Variants in ZNF33A observed in about 807,000 individuals in gnomAD.
The protein encoded by ZNF33A is zinc finger protein 33A, also known as brain my041 protein.
ZNF33A carries 9 observed loss-of-function variants against 15.9 expected under a neutral mutation model. The observed-to-expected ratio is 0.57, with a 90% CI of 0.34 to 0.99. The LOEUF (loss-of-function observed/expected upper bound fraction) is 0.99, where lower values mean the gene tolerates loss of function less well. ZNF33A is among the 50% of genes least tolerant of loss of function. ZNF33A has a pLI of 0.02. For synonymous variants in ZNF33A, 294 were observed against 324.2 expected, an observed-to-expected ratio of 0.91 and a Z score of 1.00; for missense variants, 843 against 941.6, an observed-to-expected ratio of 0.90 and a Z score of 1.37.
At chr10:38,063,621 TG>T (rs1459889223), downstream of ZNF33A, among the ~76,000 whole-genome samples, 1 of 152,236 alleles carries the variant, frequency 6.6e-6, no homozygotes, top group Non-Finnish European at 1.5e-5. Flanking sequence ...TCTAAGCTTG[TG>T]TTACCAATCA....
At chr10:38,053,893 G>A (rs1199972421) in intron 4 of ZNF33A, among the ~76,000 whole-genome samples, 1 of 152,136 alleles carries the variant, frequency 6.6e-6, no homozygotes, top group African/African-American at 2.4e-5. Context: ...CACAGTCTCT[G>A]GCTGACTCTC....
intron 4 of ZNF33A, chr10:38,043,877 T>G (rs1436989098): frequency 2.0e-5 from 3 of 151,874 alleles, no homozygotes; most frequent in Admixed American, 6.6e-5. Flanking sequence ...TTTTTTTGTT[T>G]AATGCAACAC....
chr10:38,011,870 GGTTAA>G (rs1204032114), intron 1 of ZNF33A, among the ~76,000 whole-genome samples: 1 of 152,148 alleles, frequency 6.6e-6, no homozygotes, highest in Non-Finnish European at 1.5e-5. Flanking sequence ...ACTCACCAGA[GGTTAA>G]GTAACATTAC....
intron 4 of ZNF33A, among the ~76,000 whole-genome samples, chr10:38,040,909 G>T (rs598822): frequency 6.6e-6 from 1 of 152,196 alleles, no homozygotes; most frequent in Non-Finnish European, 1.5e-5. Flanking sequence ...GTTCAACTTA[G>T]TATTTTTTCT....
chr10:38,051,854 G>GA (rs555504395), intron 4 of ZNF33A, among the ~76,000 whole-genome samples: 87 of 151,662 alleles, frequency 5.7e-4, no homozygotes, highest in African/African-American at 1.9e-3. Context: ...GTATTAAAAA[G>GA]AAAAAAACAG....
At chr10:38,049,995 A>G (rs2066127695) in intron 4 of ZNF33A, among the ~76,000 whole-genome samples, 1 of 152,194 alleles carries the variant, frequency 6.6e-6, no homozygotes, top group Non-Finnish European at 1.5e-5. Flanking sequence ...ATAAACAGCT[A>G]CTACTGCTTA....
downstream of ZNF33A, chr10:38,064,352 G>A (rs2066689456): frequency 4.2e-6 from 2 of 477,930 alleles, no homozygotes; most frequent in Admixed American, 7.9e-5. Context: ...TGGCACTGCT[G>A]GGGACTCACC....
At position 38,054,936 on chromosome 10, in the gene ZNF33A, G is replaced by C. The variant is rs1282406182; in HGVS notation, c.812G>C (p.Arg271Thr). 1 of 1,613,860 alleles carries C rather than the reference G, an allele frequency of 6.2e-7. No individual in the cohort carries two copies. Among genetic ancestry groups the C allele is most frequent in the Non-Finnish European group, 8.5e-7 (1 of 1,179,992 alleles). ...TTGTTCCATCAGATATCTCCGTCAA[G>C]GGACAATCACTATGAATTTAGTGAT... is the stretch of plus-strand genomic sequence containing the variant. ...SLLFHQISPS[R>T]DNHYEFSDCE... Residue 271 changes from arginine (R) to threonine (T), a missense_variant, in exon 5 of 5, where the codon AGG (arginine) becomes ACG (threonine). Physicochemically the swap from Arg to Thr is moderately conservative, Grantham distance 71. Coordinates refer to ENST00000432900, the MANE Select transcript of ZNF33A (RefSeq NM_006954.2).
At chr10:38,049,366 C>T (rs79508850) in intron 4 of ZNF33A, among the ~76,000 whole-genome samples, 3,080 of 152,002 alleles carry the variant, frequency 0.02, 54 homozygotes, top group Non-Finnish European at 0.032. Context: ...ACTTTTGGGT[C>T]TAATTTGCTT....
chr10:38,014,366 A>G (rs2064347360), intron 2 of ZNF33A, among the ~76,000 whole-genome samples: 1 of 152,100 alleles, frequency 6.6e-6, no homozygotes, highest in Non-Finnish European at 1.5e-5. Context: ...TTTACAGAAG[A>G]AGTTTACCAA....
At chr10:38,022,362 A>G (rs1320750586) in intron 4 of ZNF33A, among the ~76,000 whole-genome samples, 2 of 152,168 alleles carry the variant, frequency 1.3e-5, no homozygotes, top group Non-Finnish European at 2.9e-5. Flanking sequence ...ATGTTTATAA[A>G]TATGACAACA....
intron 4 of ZNF33A, among the ~76,000 whole-genome samples, chr10:38,032,479 G>A (rs564763822): frequency 6.6e-6 from 1 of 152,146 alleles, no homozygotes; most frequent in African/African-American, 2.4e-5. Flanking sequence ...GTCTTGCTCT[G>A]TTGCCCACGC....
downstream of ZNF33A, chr10:38,064,581 A>G (rs1440438436): frequency 6.5e-6 from 1 of 153,666 alleles, no homozygotes; most frequent in Admixed American, 6.5e-5. Context: ...CCCATCTGTG[A>G]TCTCCAGAGG....
intron 4 of ZNF33A, among the ~76,000 whole-genome samples, 155 bp from the exon 5 acceptor site, chr10:38,054,220 A>G (rs1302173558): frequency 2.0e-5 from 3 of 152,334 alleles, no homozygotes; most frequent in Non-Finnish European, 4.4e-5. Context: ...CCCCAAACCC[A>G]TGAAATACAA....
chr10:38,026,153 T>A (rs2064976439), intron 4 of ZNF33A, among the ~76,000 whole-genome samples: 1 of 152,230 alleles, frequency 6.6e-6, no homozygotes, highest in Non-Finnish European at 1.5e-5. Flanking sequence ...TACACTTGGG[T>A]CATACACCTT....
chr10:38,044,722 C>T (rs1468738134), intron 4 of ZNF33A, among the ~76,000 whole-genome samples: 1 of 151,900 alleles, frequency 6.6e-6, no homozygotes, highest in Non-Finnish European at 1.5e-5. Flanking sequence ...GGCTGGAGTT[C>T]AGAGGCATGA....
At chr10:38,044,923 C>T (rs1414507445) in intron 4 of ZNF33A, among the ~76,000 whole-genome samples, 1 of 152,198 alleles carries the variant, frequency 6.6e-6, no homozygotes, top group Non-Finnish European at 1.5e-5. Context: ...CTGCCTCGAC[C>T]TCCCAAAGTA....
chr10:38,059,463 C>T lies in ZNF33A; in HGVS notation c.*2903C>T, dbSNP rs1372379372. The T allele has an allele frequency of 1.3e-5, 2 of 152,210 alleles. No homozygotes were observed. The highest frequency in any genetic ancestry group is 2.9e-5 in the Non-Finnish European group (2 of 67,978). The allele number at this position is 152,210 out of a possible 1,614,324, so 9.4% of individuals were successfully genotyped here. A position where few individuals can be genotyped will look rare whatever the true frequency, so the allele number is the denominator to read the frequency against. On this transcript the variant is annotated 3_prime_UTR_variant, in exon 5 of 5. Coordinates refer to ENST00000432900, the MANE Select transcript of ZNF33A (RefSeq NM_006954.2). ...TGTCTTTGTAGAGAATTCTAAATAA[C>T]AAAAACCCTGCTGACATTAATAAGC...
At chr10:38,030,501 G>A (rs964673312) in intron 4 of ZNF33A, among the ~76,000 whole-genome samples, 3 of 152,044 alleles carry the variant, frequency 2.0e-5, no homozygotes, top group South Asian at 4.2e-4. Context: ...TATTTGTTCT[G>A]GTCCACCCCA....
Sources: gnomAD v4.1 joint callset for allele counts (sites outside exome capture counted in the v4.1 genomes callset) on GRCh38, gnomAD v4.1.1 for gene constraint, MANE v1.5 for transcripts, NCBI Gene and HGNC (gene_info 2026-07-23, HGNC 2026-07-21) for gene names.